Variants in MKLN1 observed in about 807,000 individuals in gnomAD.
MKLN1 encodes the protein muskelin 1, also known as muskelin.
A neutral mutation model predicts 99.0 loss-of-function variants in MKLN1; 18 were observed. The observed-to-expected ratio is 0.18, with a 90% CI of 0.13 to 0.27. The LOEUF (loss-of-function observed/expected upper bound fraction) is 0.27. MKLN1 is among the 10% of genes least tolerant of loss of function. The pLI is 1.00. For missense variants in MKLN1, 621 were observed against 875.9 expected (o/e 0.71, Z 3.67); for synonymous variants, 288 against 293.2 (o/e 0.98, Z 0.18).
intron 12 of MKLN1, among the ~76,000 whole-genome samples, chr7:131,450,693 C>A (rs1036984205): frequency 3.3e-5 from 5 of 152,212 alleles, no homozygotes; most frequent in Non-Finnish European, 7.3e-5. Flanking sequence ...ACCTGAATCA[C>A]TTTCCTCTCC....
chr7:131,401,914 T>C (rs186488801), intron 6 of MKLN1, among the ~76,000 whole-genome samples: 8 of 152,332 alleles, frequency 5.3e-5, no homozygotes, highest in African/African-American at 1.9e-4. Flanking sequence ...TTTTTGCTAG[T>C]GAAGGGTCTT....
At chr7:131,144,105 A>C (rs1320435905) in intron 2 of MKLN1, among the ~76,000 whole-genome samples, 2 of 152,172 alleles carry the variant, frequency 1.3e-5, no homozygotes, top group Non-Finnish European at 2.9e-5. Flanking sequence ...TTTTTTGTTC[A>C]GCACTAGATG....
At chr7:131,142,958 T>C in intron 2 of MKLN1, 1 of 1,304,624 alleles carries the variant, frequency 7.7e-7, no homozygotes, top group South Asian at 1.2e-5. Context: ...GTTGATGTTT[T>C]AGTTTTTTCT....
intron 2 of MKLN1, among the ~76,000 whole-genome samples, chr7:131,382,102 T>G (rs1214311544): frequency 1.3e-5 from 2 of 152,212 alleles, no homozygotes; most frequent in African/African-American, 4.8e-5. Context: ...TGGTGGCTCG[T>G]GCCTGTAATC....
chr7:131,172,932 A>G (rs1796237844), intron 2 of MKLN1, among the ~76,000 whole-genome samples: 1 of 152,212 alleles, frequency 6.6e-6, no homozygotes, highest in Non-Finnish European at 1.5e-5. Context: ...TCCCCAGCAT[A>G]TGAGAAATGA....
At chr7:131,187,242 G>C (rs1488757637) in intron 2 of MKLN1, among the ~76,000 whole-genome samples, 2 of 151,974 alleles carry the variant, frequency 1.3e-5, no homozygotes, top group African/African-American at 4.8e-5. Context: ...ACTTGCTCTG[G>C]TACAAATGCT....
At chr7:131,118,051 T>C (rs529689774) in intron 1 of MKLN1, among the ~76,000 whole-genome samples, 1 of 152,246 alleles carries the variant, frequency 6.6e-6, no homozygotes, top group South Asian at 2.1e-4. Context: ...TGGGAGGTAT[T>C]GGATCATGGG....
At chr7:131,438,490 A>G (rs999917412) in intron 10 of MKLN1, among the ~76,000 whole-genome samples, 1 of 148,816 alleles carries the variant, frequency 6.7e-6, no homozygotes. Flanking sequence ...GATTAAACTC[A>G]GCACCAATAG....
intron 11 of MKLN1, among the ~76,000 whole-genome samples, chr7:131,444,745 T>A (rs111238288): frequency 2.1e-3 from 210 of 98,014 alleles, no homozygotes; most frequent in African/African-American, 8.4e-3. Flanking sequence ...GTAGTAGTAG[T>A]AGTAGTAGTA....
chr7:131,243,859 C>CA (rs1230243559), intron 3 of MKLN1, among the ~76,000 whole-genome samples: 1 of 151,926 alleles, frequency 6.6e-6, no homozygotes, highest in Non-Finnish European at 1.5e-5. Flanking sequence ...ACTAAAAATA[C>CA]AAAAAATTAG....
At chr7:131,159,470 T>A (rs1363234148) in intron 2 of MKLN1, among the ~76,000 whole-genome samples, 1 of 152,032 alleles carries the variant, frequency 6.6e-6, no homozygotes, top group East Asian at 1.9e-4. Context: ...CCAGGCACAG[T>A]GAGACAAATA....
rs1051773505 is a variant in MKLN1, at chr7:131,364,346, G to A, written c.99-11078G>A. Reference sequence around the variant, plus strand: ...ATCAAAAACTTTCTAGACTTCCTGTGTGTGTAGATAAAGATATTTCTCGAA... The same window carrying A: ...ATCAAAAACTTTCTAGACTTCCTGTATGTGTAGATAAAGATATTTCTCGAA... On this transcript the variant is annotated intron_variant, in intron 1 of 17. Transcript: ENST00000352689. Among the ~76,000 whole-genome samples, 31 of 152,038 alleles carry A rather than the reference G, an allele frequency of 2.0e-4. 1 individual carries two copies. The highest frequency in any genetic ancestry group is 9.2e-4 in the Admixed American group (14 of 15,258).
intron 2 of MKLN1, among the ~76,000 whole-genome samples, chr7:131,172,721 A>G (rs577154744): frequency 7.1e-4 from 108 of 152,342 alleles, no homozygotes; most frequent in South Asian, 2.3e-3. Flanking sequence ...ACTGTCTCCT[A>G]TAGTAACTGC....
At chr7:131,355,402 G>T (rs1799842623) in intron 1 of MKLN1, among the ~76,000 whole-genome samples, 1 of 151,602 alleles carries the variant, frequency 6.6e-6, no homozygotes, top group South Asian at 2.1e-4. Flanking sequence ...TTTTTATGCA[G>T]GAACATGGCA....
At chr7:131,443,269 T>C (rs1795894709) in intron 10 of MKLN1, among the ~76,000 whole-genome samples, 1 of 152,238 alleles carries the variant, frequency 6.6e-6, no homozygotes, top group Admixed American at 6.5e-5. Flanking sequence ...GAAAGCTCTT[T>C]ATTCCAACAT....
intron 3 of MKLN1, among the ~76,000 whole-genome samples, chr7:131,300,977 G>C (rs763144972): frequency 4.6e-5 from 7 of 152,240 alleles, no homozygotes; most frequent in Non-Finnish European, 8.8e-5. Flanking sequence ...GAGCTCAGCT[G>C]TCAGTTACTA....
At chr7:131,333,120 C>G (rs903207417) in intron 1 of MKLN1, among the ~76,000 whole-genome samples, 1 of 152,182 alleles carries the variant, frequency 6.6e-6, no homozygotes, top group African/African-American at 2.4e-5. Flanking sequence ...GACACTGTTT[C>G]ACCATGTTGG....
intron 2 of MKLN1, among the ~76,000 whole-genome samples, chr7:131,379,794 C>T (rs1330064985): frequency 6.6e-6 from 1 of 152,192 alleles, no homozygotes; most frequent in African/African-American, 2.4e-5. Context: ...CATTGCATCC[C>T]TGTATCAAAA....
intron 6 of MKLN1, among the ~76,000 whole-genome samples, 163 bp downstream of exon 6, chr7:131,399,596 A>C (rs921949172): frequency 6.6e-6 from 1 of 152,142 alleles, no homozygotes; most frequent in African/African-American, 2.4e-5. Context: ...TCTTTCATGT[A>C]AAATAGATCC....
Sources: gnomAD v4.1 joint callset for allele counts (sites outside exome capture counted in the v4.1 genomes callset) on GRCh38, gnomAD v4.1.1 for gene constraint, MANE v1.5 for transcripts, NCBI Gene and HGNC (gene_info 2026-07-23, HGNC 2026-07-21) for gene names.